The following PLCH1 variants were observed in gnomAD, a reference collection of about 807,000 sequenced individuals.
PLCH1 encodes 1-phosphatidylinositol 4,5-bisphosphate phosphodiesterase eta-1.
PLCH1 carries 60 observed loss-of-function variants against 126.7 expected under a neutral mutation model. The observed-to-expected ratio is 0.47, with a 90% CI of 0.38 to 0.59. The LOEUF is 0.59. Among genes scored for constraint, PLCH1 ranks in the 20% least tolerant of loss-of-function variants. The pLI is 0.00. For missense variants in PLCH1, 1,723 were observed against 2,040.0 expected, an observed-to-expected ratio of 0.84 and a Z score of 2.99; for synonymous variants, 719 against 734.9, an observed-to-expected ratio of 0.98 and a Z score of 0.35.
chr3:155,706,638 A>G (rs1050512696), intron 1 of PLCH1, among the ~76,000 whole-genome samples: 3 of 151,908 alleles, frequency 2.0e-5, no homozygotes, highest in Admixed American at 2.0e-4. Context: ...AAAATCTGCA[A>G]ATTATTATAC....
At chr3:155,685,941 C>T (rs1300328024) in intron 2 of PLCH1, among the ~76,000 whole-genome samples, 1 of 152,142 alleles carries the variant, frequency 6.6e-6, no homozygotes, top group African/African-American at 2.4e-5. Context: ...ATGTTTTTTA[C>T]TTTCCTCTCC....
At chr3:155,516,342 T>C (rs1720305541) in intron 11 of PLCH1, among the ~76,000 whole-genome samples, 1 of 152,188 alleles carries the variant, frequency 6.6e-6, no homozygotes, top group Admixed American at 6.5e-5. Flanking sequence ...TGGGAAGTGA[T>C]TGTAACTCAT....
intron 10 of PLCH1, among the ~76,000 whole-genome samples, chr3:155,535,287 C>A (rs528904747): frequency 1.3e-5 from 2 of 152,084 alleles, no homozygotes; most frequent in African/African-American, 4.8e-5. Context: ...GGGGCAGTGA[C>A]GGGAGCAAAC....
chr3:155,559,785 G>A (rs138184060), intron 8 of PLCH1, among the ~76,000 whole-genome samples: 1 of 152,196 alleles, frequency 6.6e-6, no homozygotes, highest in Non-Finnish European at 1.5e-5. Flanking sequence ...TTACAGCAGC[G>A]ACTGGAAAAC....
intron 2 of PLCH1, among the ~76,000 whole-genome samples, chr3:155,692,166 T>C (rs1041592291): frequency 7.2e-5 from 11 of 152,010 alleles, no homozygotes; most frequent in Non-Finnish European, 1.2e-4. Context: ...TTAAAGGAAA[T>C]ATGAAATAAA....
intron 21 of PLCH1, among the ~76,000 whole-genome samples, chr3:155,474,251 C>G (rs1409879538): frequency 1.7e-4 from 25 of 148,304 alleles, no homozygotes; most frequent in Non-Finnish European, 2.7e-4. Context: ...ACAACCCCAT[C>G]AAAAAGTGGG....
intron 2 of PLCH1, among the ~76,000 whole-genome samples, chr3:155,654,463 C>A (rs955902015): frequency 6.6e-6 from 1 of 152,104 alleles, no homozygotes; most frequent in Non-Finnish European, 1.5e-5. Context: ...TACATCTAAT[C>A]GATATCTCAG....
At chr3:155,744,609 C>T (rs1749856768) in intron 1 of PLCH1, among the ~76,000 whole-genome samples, 1 of 152,192 alleles carries the variant, frequency 6.6e-6, no homozygotes, top group Admixed American at 6.5e-5. Flanking sequence ...CCACCCTCAT[C>T]CTTCTGAATT....
At chr3:155,735,171 A>C (rs1284181805) in intron 1 of PLCH1, among the ~76,000 whole-genome samples, 2 of 152,184 alleles carry the variant, frequency 1.3e-5, no homozygotes, top group Non-Finnish European at 2.9e-5. Context: ...GAACTCATAG[A>C]AGGAAAGAGT....
chr3:155,621,815 G>T (rs1736551436), intron 2 of PLCH1, among the ~76,000 whole-genome samples: 1 of 152,148 alleles, frequency 6.6e-6, no homozygotes. Flanking sequence ...CGGGGAGAAT[G>T]GAACCAAGTT....
intron 5 of PLCH1, among the ~76,000 whole-genome samples, 170 bp from the exon 6 acceptor site, chr3:155,583,812 A>T (rs544818543): frequency 2.0e-5 from 3 of 152,250 alleles, no homozygotes; most frequent in East Asian, 3.9e-4. Flanking sequence ...TTATAAAGCA[A>T]CCACATATTT....
At chr3:155,521,738 G>A (rs936325509) in intron 11 of PLCH1, among the ~76,000 whole-genome samples, 3 of 152,140 alleles carry the variant, frequency 2.0e-5, no homozygotes, top group Non-Finnish European at 4.4e-5. Context: ...TTCTAAACAC[G>A]GCATTGCCTT....
intron 3 of PLCH1, among the ~76,000 whole-genome samples, chr3:155,595,103 G>A (rs1401994813): frequency 6.6e-6 from 1 of 152,204 alleles, no homozygotes; most frequent in Non-Finnish European, 1.5e-5. Flanking sequence ...CAGGGATGCT[G>A]AGCAGGCCGC....
Position 155,510,198 on chromosome 3 carries a change from C to T in PLCH1, c.1632+4525G>A, listed in dbSNP as rs1233941847. 2.1e-4 allele frequency among the ~76,000 whole-genome samples: 23 copies of T among 108,330 alleles called. 2 individuals carry two copies. The highest frequency in any genetic ancestry group is 3.4e-4 in the Non-Finnish European group (19 of 55,954). The allele number at this position is 108,330 out of a possible 152,430, so 71.1% of individuals were successfully genotyped here. On this transcript the variant is annotated intron_variant, in intron 12 of 22. Transcript: ENST00000460012. ...GCAACCCCTGCCTTTTTTTGTTTTC[C>T]ATTGGCTTGGTGGATCTTCCTCCAT...
intron 2 of PLCH1, among the ~76,000 whole-genome samples, chr3:155,667,715 G>T (rs570005180): frequency 6.6e-6 from 1 of 151,860 alleles, no homozygotes; most frequent in South Asian, 2.1e-4. Context: ...ATAATCACAT[G>T]CCAACTTCCC....
chr3:155,608,657 A>G (rs1734673144), intron 2 of PLCH1, among the ~76,000 whole-genome samples: 1 of 152,202 alleles, frequency 6.6e-6, no homozygotes, highest in African/African-American at 2.4e-5. Context: ...CTCTTGGAAC[A>G]TAATTCCATC....
chr3:155,508,593 C>A (rs1718994200), intron 12 of PLCH1, among the ~76,000 whole-genome samples: 1 of 138,054 alleles, frequency 7.2e-6, no homozygotes, highest in Non-Finnish European at 1.5e-5. Flanking sequence ...AAGGCTTTTT[C>A]TGCATCTATT....
At chr3:155,655,379 C>T (rs1340271931) in intron 2 of PLCH1, among the ~76,000 whole-genome samples, 2 of 151,722 alleles carry the variant, frequency 1.3e-5, no homozygotes, top group South Asian at 4.1e-4. Context: ...TGCATGATTG[C>T]CATGATTGCC....
intron 1 of PLCH1, among the ~76,000 whole-genome samples, chr3:155,719,237 G>C (rs1462948394): frequency 6.6e-6 from 1 of 152,072 alleles, no homozygotes. Context: ...TCAAAGCTTA[G>C]CTCCCACTAT....
Sources: gnomAD v4.1 joint callset for allele counts (sites outside exome capture counted in the v4.1 genomes callset) on GRCh38, gnomAD v4.1.1 for gene constraint, MANE v1.5 for transcripts, NCBI Gene and HGNC (gene_info 2026-07-23, HGNC 2026-07-21) for gene names.